The following LMTK2 variants were observed in gnomAD, a reference collection of about 807,000 sequenced individuals.
The protein encoded by LMTK2 is lemur tail kinase 2, also known as serine/threonine-protein kinase LMTK2.
Under a neutral mutation model 127.5 loss-of-function variants are expected in LMTK2, and 37 were observed. The observed-to-expected ratio is 0.29, with a 90% CI of 0.22 to 0.38. LMTK2 has a LOEUF of 0.38. Among genes scored for constraint, LMTK2 ranks in the 10% least tolerant of loss-of-function variants. LMTK2 has a pLI of 1.00. For missense variants in LMTK2, 1,694 were observed against 1,920.3 expected, an observed-to-expected ratio of 0.88 and a Z score of 2.20; for synonymous variants, 819 against 810.1, an observed-to-expected ratio of 1.01 and a Z score of -0.19.
In LMTK2 at chr7:98,192,297, C is replaced by T; in HGVS notation, c.1832C>T (p.Thr611Ile). ...GATGAGGACTTCTTCCAAAGCAGTA[C>T]AGACCCCAAAGACTCTAGCTTACCA... ...STDEDFFQSS[T>I]DPKDSSLPGD... The change falls in exon 11 of 14, where the codon ACA (threonine) becomes ATA (isoleucine). Residue 611 changes from threonine to isoleucine, a missense_variant. Physicochemically the swap from Thr to Ile is moderately conservative, Grantham distance 89. Coordinates refer to ENST00000297293, the MANE Select transcript of LMTK2 (RefSeq NM_014916.4). 1 of 1,544,716 alleles carries T rather than the reference C, an allele frequency of 6.5e-7. No homozygotes were observed. Among genetic ancestry groups the T allele is most frequent in the East Asian group, 2.2e-5 (1 of 44,634 alleles).
intron 6 of LMTK2, among the ~76,000 whole-genome samples, chr7:98,170,111 G>C (rs1476958816): frequency 1.3e-5 from 2 of 152,218 alleles, no homozygotes; most frequent in African/African-American, 4.8e-5. Context: ...AAGCCGAAAA[G>C]TAGAAGCACA....
At chr7:98,191,261 T>C (rs1180234322) in intron 10 of LMTK2, among the ~76,000 whole-genome samples, 1 of 152,132 alleles carries the variant, frequency 6.6e-6, no homozygotes, top group Non-Finnish European at 1.5e-5. Context: ...TTTGATATTT[T>C]TAACTGATTC....
chr7:98,133,069 A>G (rs994881465), intron 1 of LMTK2, among the ~76,000 whole-genome samples: 9 of 152,224 alleles, frequency 5.9e-5, no homozygotes, highest in African/African-American at 2.2e-4. Context: ...AAATGCTTTG[A>G]AAACTATTAA....
chr7:98,191,934 G>T lies in LMTK2; in HGVS notation c.1469G>T (p.Ser490Ile), dbSNP rs764027277. The change falls in exon 11 of 14, where the codon AGC (serine) becomes ATC (isoleucine). Residue 490 changes from serine (S) to isoleucine (I), a missense_variant. Ser to Ile is a moderately radical substitution (Grantham distance 142). Transcript: ENST00000297293. ...AAGCACGACCACTTTGACGAGCGCA[G>T]CCGGGGCCACCTGGACGAAGGCTTG... ...AAKHDHFDER[S>I]RGHLDEGLSY... 1.4e-5 allele frequency: 22 copies of T among 1,614,170 alleles called. 1 individual carries two copies. The South Asian group carries it at 2.4e-4, about 18-fold the overall frequency.
At chr7:98,114,610 A>G (rs1011347734) in intron 1 of LMTK2, among the ~76,000 whole-genome samples, 4 of 152,124 alleles carry the variant, frequency 2.6e-5, no homozygotes, top group Non-Finnish European at 4.4e-5. Context: ...ACCTTGTGCT[A>G]TGGCTAAAGT....
intron 1 of LMTK2, among the ~76,000 whole-genome samples, chr7:98,118,917 C>T (rs1796323585): frequency 2.0e-5 from 3 of 152,066 alleles, no homozygotes; most frequent in African/African-American, 7.2e-5. Flanking sequence ...ATGGTGAAAC[C>T]GCGTCTCTAC....
At position 98,208,373 on chromosome 7, in the gene LMTK2, G is replaced by T. The variant is rs1797840655; in HGVS notation, c.*2881G>T. The T allele has an allele frequency of 6.6e-6, 1 of 152,158 alleles. No homozygotes were observed. The highest frequency in any genetic ancestry group is 2.4e-5 in the African/African-American group (1 of 41,416). 9.4% of individuals were successfully genotyped at this position (152,158 alleles called of 1,614,324 possible). A position where few individuals can be genotyped will look rare whatever the true frequency, so the allele number is the denominator to read the frequency against. ...GAAATGTCAGCATGTGCTGTGTTCAGTTCAGGTTTTTGTTGTTTGTTTTGT... is the reference window on the plus strand; with the variant it reads ...GAAATGTCAGCATGTGCTGTGTTCATTTCAGGTTTTTGTTGTTTGTTTTGT... On this transcript the variant is annotated 3_prime_UTR_variant, in exon 14 of 14. Coordinates refer to ENST00000297293, the MANE Select transcript of LMTK2 (RefSeq NM_014916.4).
intron 6 of LMTK2, among the ~76,000 whole-genome samples, chr7:98,162,917 A>C (rs905325575): frequency 1.3e-5 from 2 of 152,228 alleles, no homozygotes; most frequent in African/African-American, 4.8e-5. Context: ...GGATAAACCA[A>C]ATCTGCTCTC....
intron 1 of LMTK2, among the ~76,000 whole-genome samples, chr7:98,130,465 T>C (rs1435849727): frequency 6.6e-6 from 1 of 152,206 alleles, no homozygotes; most frequent in African/African-American, 2.4e-5. Flanking sequence ...CTTGTTTTCA[T>C]TTAAGCATCT....
intron 2 of LMTK2, among the ~76,000 whole-genome samples, chr7:98,139,032 C>A (rs897551257): frequency 6.6e-6 from 1 of 152,178 alleles, no homozygotes; most frequent in Non-Finnish European, 1.5e-5. Context: ...TTTTACAGAC[C>A]AGGAAGCTAC....
rs1160019513 is a variant in LMTK2, at chr7:98,203,151, A to AC, written c.4108-418dup. ...CCCTTCTCTTTCTGAGCATCAGAAG[A>AC]CCCCCTTCCTGCTCCGAAGCCAGAA... is the stretch of plus-strand genomic sequence containing the variant. On this transcript the variant is annotated intron_variant, in intron 11 of 13. Transcript: ENST00000297293. Among the ~76,000 whole-genome samples, 4 of 151,870 alleles carry AC rather than the reference A, an allele frequency of 2.6e-5. No homozygotes were observed. The East Asian group carries it at 7.7e-4, about 29-fold the overall frequency.
At position 98,122,390 on chromosome 7, in the gene LMTK2, G is replaced by T. The variant is rs182287470; in HGVS notation, c.104-14925G>T. 4.9e-3 allele frequency among the ~76,000 whole-genome samples: 751 copies of T among 152,152 alleles called. 5 individuals carry two copies. The highest frequency in any genetic ancestry group is 7.9e-3 in the Non-Finnish European group (534 of 68,000). ...CAACCCTGGATGGTTTTAGGAATCC[G>T]CAACTGCTGTAGGTCCCAAGAATAA... On this transcript the variant is annotated intron_variant, in intron 1 of 13. Transcript: ENST00000297293.
intron 7 of LMTK2, among the ~76,000 whole-genome samples, chr7:98,173,068 T>C (rs1797217416): frequency 6.6e-6 from 1 of 152,224 alleles, no homozygotes; most frequent in Non-Finnish European, 1.5e-5. Flanking sequence ...TGAAGTATTC[T>C]TTTTTGTAAA....
chr7:98,194,180 A>G lies in LMTK2; in HGVS notation c.3715A>G (p.Thr1239Ala), dbSNP rs766853587. ...CAACACGAACGAACTCCTTGCCTAC[A>G]CCAATTCTGCGCTGGACAAGTCCCT... ...GTNTNELLAY[T>A]NSALDKSLSS... The change falls in exon 11 of 14, where the codon ACC becomes GCC. Residue 1239 changes from threonine (T) to alanine (A), a missense_variant. By Grantham distance (58) the Thr-to-Ala change is moderately conservative (BLOSUM62 0). This residue lies in a region of LMTK2 where 554 missense variants were observed against 567.7 expected (regional missense o/e 0.98). Transcript: ENST00000297293. This position sits in a 1 kb window ranked among gnomAD's most constrained non-coding sequence, Gnocchi z 5.4. The G allele has an allele frequency of 9.3e-6, 15 of 1,613,664 alleles. No individual in the cohort carries two copies. Among genetic ancestry groups the G allele is most frequent in the Middle Eastern group, 1.6e-4 (1 of 6,084 alleles).
intron 3 of LMTK2, among the ~76,000 whole-genome samples, chr7:98,145,003 G>T (rs1057299794): frequency 2.0e-5 from 3 of 152,102 alleles, no homozygotes; most frequent in African/African-American, 7.2e-5. Flanking sequence ...GGTGGTTGTT[G>T]TACTGGTATC....
intron 1 of LMTK2, among the ~76,000 whole-genome samples, chr7:98,129,042 A>G (rs1584250911): frequency 6.6e-6 from 1 of 152,088 alleles, no homozygotes; most frequent in Non-Finnish European, 1.5e-5. Flanking sequence ...TGCTTCTCTT[A>G]TAATCTTATT....
chr7:98,151,559 C>A, intron 4 of LMTK2, 104 bp downstream of exon 4: 1 of 853,774 alleles, frequency 1.2e-6, no homozygotes, highest in Admixed American at 2.3e-5. Flanking sequence ...GCCCTGTGGG[C>A]CCTGCGTTAC....
intron 11 of LMTK2, among the ~76,000 whole-genome samples, chr7:98,201,111 CTATT>C (rs1210076778): frequency 6.6e-6 from 1 of 151,728 alleles, no homozygotes; most frequent in Non-Finnish European, 1.5e-5. Flanking sequence ...CCATCTAAGA[CTATT>C]TCACACTCAT....
In LMTK2 at chr7:98,137,305, C is replaced by T; in HGVS notation, c.104-10C>T. 6.3e-7 allele frequency: 1 copy of T among 1,598,586 alleles called. No individual in the cohort carries two copies. Among genetic ancestry groups the T allele is most frequent in the South Asian group, 1.1e-5 (1 of 87,712 alleles). On this transcript the variant is annotated splice_polypyrimidine_tract_variant and intron_variant, in intron 1 of 13. Transcript: ENST00000297293. The stretch of plus-strand genomic sequence containing the variant: ...TACATGTTTTTAATATTATTTATCT[C>T]TCTTTCCAGGGGAGGCGCCACCTGC...
Sources: gnomAD v4.1 joint callset for allele counts (sites outside exome capture counted in the v4.1 genomes callset) on GRCh38, gnomAD v4.1.1 for gene constraint, gnomAD v4.1.1 regional missense constraint, Gnocchi (gnomAD v3.1) non-coding constraint, MANE v1.5 for transcripts, NCBI Gene and HGNC (gene_info 2026-07-23, HGNC 2026-07-21) for gene names.